IL1RAPL2: variants seen among roughly 807,000 people sequenced by gnomAD.
IL1RAPL2 encodes X-linked interleukin-1 receptor accessory protein-like 2.
Under a neutral mutation model 44.1 loss-of-function variants are expected in IL1RAPL2, and 3 were observed. The ratio of observed to expected loss-of-function variants is 0.07; its 90% CI spans 0.03 to 0.18. IL1RAPL2 has a LOEUF of 0.18. IL1RAPL2 is among the 10% of genes least tolerant of loss of function. The pLI, the probability that IL1RAPL2 is intolerant of heterozygous loss-of-function variation, is 1.00. For synonymous variants in IL1RAPL2, 181 were observed against 178.8 expected (o/e 1.01, Z -0.10); for missense variants, 391 against 496.4 (o/e 0.79, Z 2.02).
At chrX:105,590,812 T>TG in intron 6 of IL1RAPL2, among the ~76,000 whole-genome samples, 1 of 77,582 alleles carries the variant, frequency 1.3e-5, no homozygotes, top group African/African-American at 7.4e-5. Context: ...TTGGCCTGAA[T>TG]TTGTGTGTGT....
intron 2 of IL1RAPL2, among the ~76,000 whole-genome samples, chrX:104,893,259 T>G (rs947362489): frequency 8.9e-6 from 1 of 112,132 alleles, no homozygotes; most frequent in African/African-American, 3.2e-5. Flanking sequence ...GAGAATAATG[T>G]GTATTCTGTT....
chrX:105,737,236 T>G (rs1483856444), intron 7 of IL1RAPL2, among the ~76,000 whole-genome samples: 1 of 110,844 alleles, frequency 9.0e-6, no homozygotes, highest in Non-Finnish European at 1.9e-5. Context: ...CTTGAGAGTC[T>G]TGGAGGGTGG....
intron 2 of IL1RAPL2, among the ~76,000 whole-genome samples, chrX:104,729,340 G>C (rs1206573768): frequency 9.1e-6 from 1 of 110,099 alleles, no homozygotes; most frequent in Non-Finnish European, 1.9e-5. Flanking sequence ...CTATTGGTTG[G>C]AGGGTTGTTG....
At chrX:105,753,462 A>G (rs1012439831) in intron 9 of IL1RAPL2, among the ~76,000 whole-genome samples, 8 of 111,352 alleles carry the variant, frequency 7.2e-5, no homozygotes, top group Non-Finnish European at 1.3e-4. Context: ...GGCCTATTTT[A>G]TTCTTCCAGC....
intron 2 of IL1RAPL2, among the ~76,000 whole-genome samples, chrX:104,702,690 G>A (rs1401486823): frequency 9.0e-6 from 1 of 111,428 alleles, no homozygotes; most frequent in Non-Finnish European, 1.9e-5. Flanking sequence ...CTGTGGTCAG[G>A]TGAAGAAGTG....
chrX:104,824,240 C>A (rs1267962384), intron 2 of IL1RAPL2, among the ~76,000 whole-genome samples: 1 of 111,938 alleles, frequency 8.9e-6, no homozygotes, highest in Non-Finnish European at 1.9e-5. Flanking sequence ...ATGAAGCTGA[C>A]TTGATTGTGG....
chrX:105,388,977 T>C (rs2035501236), intron 5 of IL1RAPL2, among the ~76,000 whole-genome samples: 1 of 111,622 alleles, frequency 9.0e-6, no homozygotes, highest in Non-Finnish European at 1.9e-5. Flanking sequence ...TAGCATGATA[T>C]GTTATCAGCA....
intron 6 of IL1RAPL2, among the ~76,000 whole-genome samples, chrX:105,665,983 C>T (rs979703412): frequency 4.6e-5 from 5 of 108,699 alleles, no homozygotes; most frequent in African/African-American, 6.7e-5. Flanking sequence ...AGGATGGTCT[C>T]GATCTCCTGA....
At chrX:104,708,424 T>C (rs1931397293) in intron 2 of IL1RAPL2, among the ~76,000 whole-genome samples, 1 of 111,155 alleles carries the variant, frequency 9.0e-6, no homozygotes, top group Admixed American at 9.6e-5. Context: ...GGCCCTTTTT[T>C]GATGACATTG....
At chrX:105,451,998 C>T (rs1225769655) in intron 5 of IL1RAPL2, among the ~76,000 whole-genome samples, 1 of 111,068 alleles carries the variant, frequency 9.0e-6, no homozygotes, top group Non-Finnish European at 1.9e-5. Context: ...CCTAAAAAAC[C>T]CTCTATAACA....
chrX:105,219,780 T>C, intron 3 of IL1RAPL2: 1 of 1,182,005 alleles, frequency 8.5e-7, no homozygotes. Context: ...TGGGCAGGGC[T>C]GAGGTGTGTT....
intron 6 of IL1RAPL2, among the ~76,000 whole-genome samples, chrX:105,487,535 G>A (rs2036279704): frequency 8.9e-6 from 1 of 112,077 alleles, no homozygotes; most frequent in Non-Finnish European, 1.9e-5. Context: ...TTTCATCCCA[G>A]AAAGGCTGTT....
intron 2 of IL1RAPL2, among the ~76,000 whole-genome samples, chrX:105,113,673 T>G (rs180791428): frequency 8.9e-6 from 1 of 111,749 alleles, no homozygotes; most frequent in Non-Finnish European, 1.9e-5. Context: ...TCCTAACTCC[T>G]CTCCCCAAGT....
intron 2 of IL1RAPL2, among the ~76,000 whole-genome samples, chrX:104,731,386 A>G (rs1389222964): frequency 9.0e-6 from 1 of 110,660 alleles, no homozygotes; most frequent in Non-Finnish European, 1.9e-5. Context: ...ATCTTGAATT[A>G]ATTTTTGTAT....
chrX:105,373,947 C>T (rs1003298868), intron 5 of IL1RAPL2, among the ~76,000 whole-genome samples: 4 of 108,582 alleles, frequency 3.7e-5, no homozygotes, highest in East Asian at 2.9e-4. Context: ...GGTGAAACCC[C>T]GTCTCTACTA....
At chrX:104,903,902 C>T (rs1009145606) in intron 2 of IL1RAPL2, among the ~76,000 whole-genome samples, 2 of 111,394 alleles carry the variant, frequency 1.8e-5, no homozygotes, top group Non-Finnish European at 3.8e-5. Flanking sequence ...TTATAGATAA[C>T]GATGATAAAT....
At chrX:104,933,955 T>G (rs968045254) in intron 2 of IL1RAPL2, among the ~76,000 whole-genome samples, 1 of 111,725 alleles carries the variant, frequency 9.0e-6, no homozygotes, top group Non-Finnish European at 1.9e-5. Context: ...ATGGAAAATT[T>G]GCAAATGGGC....
At chrX:104,740,404 ATTG>A (rs1302678865) in intron 2 of IL1RAPL2, among the ~76,000 whole-genome samples, 1 of 111,058 alleles carries the variant, frequency 9.0e-6, no homozygotes, top group Non-Finnish European at 1.9e-5. Flanking sequence ...AGAACACAAA[ATTG>A]TTGTCTGTTA....
chrX:104,669,857 C>T (rs933254808), intron 2 of IL1RAPL2, among the ~76,000 whole-genome samples: 34 of 111,625 alleles, frequency 3.0e-4, no homozygotes, highest in African/African-American at 9.5e-4. Flanking sequence ...AAATTCCACC[C>T]TTCTTGTGTA....
Sources: gnomAD v4.1 joint callset for allele counts (sites outside exome capture counted in the v4.1 genomes callset) on GRCh38, gnomAD v4.1.1 for gene constraint, MANE v1.5 for transcripts, NCBI Gene and HGNC (gene_info 2026-07-23, HGNC 2026-07-21) for gene names.